The following TSPAN5 variants were observed in gnomAD, a reference collection of about 807,000 sequenced individuals.
TSPAN5 encodes the protein tetraspanin-5.
A neutral mutation model predicts 37.1 loss-of-function variants in TSPAN5; 10 were observed. The ratio of observed to expected loss-of-function variants is 0.27; its 90% CI spans 0.17 to 0.46. TSPAN5 has a LOEUF of 0.46. TSPAN5 is among the 20% of genes least tolerant of loss of function. The pLI is 1.00. For missense variants in TSPAN5, 195 were observed against 326.6 expected (o/e 0.60, Z 3.11); for synonymous variants, 110 against 118.9 (o/e 0.93, Z 0.48).
At chr4:98,490,173 C>T (rs886097508) in intron 2 of TSPAN5, among the ~76,000 whole-genome samples, 8 of 152,176 alleles carry the variant, frequency 5.3e-5, no homozygotes, top group African/African-American at 1.9e-4. Flanking sequence ...CTCCCAAACC[C>T]TTGCCCATGA....
chr4:98,649,781 G>C (rs1320142800), intron 1 of TSPAN5, among the ~76,000 whole-genome samples: 1 of 152,212 alleles, frequency 6.6e-6, no homozygotes, highest in Non-Finnish European at 1.5e-5. Context: ...TGAAGGGAGA[G>C]TTCAAGAGCC....
intron 2 of TSPAN5, among the ~76,000 whole-genome samples, chr4:98,495,531 CAAAAAA>C (rs10555303): frequency 1.8e-4 from 23 of 130,912 alleles, no homozygotes; most frequent in Admixed American, 2.2e-4. Context: ...GCCTCCGTCT[CAAAAAA>C]AAAAAAAAAA....
intron 1 of TSPAN5, among the ~76,000 whole-genome samples, chr4:98,525,691 C>T (rs774265680): frequency 8.5e-5 from 13 of 152,132 alleles, no homozygotes; most frequent in Admixed American, 8.5e-4. Flanking sequence ...ATATAGCTCA[C>T]ATTTATTTCA....
intron 1 of TSPAN5, among the ~76,000 whole-genome samples, chr4:98,556,962 T>G (rs1481648140): frequency 6.6e-6 from 1 of 152,146 alleles, no homozygotes; most frequent in Non-Finnish European, 1.5e-5. Flanking sequence ...TACCAATATT[T>G]TGAAAGAGCC....
chr4:98,530,150 G>A (rs1754048701), intron 1 of TSPAN5, among the ~76,000 whole-genome samples: 1 of 152,214 alleles, frequency 6.6e-6, no homozygotes, highest in Non-Finnish European at 1.5e-5. Context: ...ACCTGACTGG[G>A]TAGGCAGAAG....
intron 2 of TSPAN5, among the ~76,000 whole-genome samples, chr4:98,492,680 A>G (rs1193300677): frequency 6.6e-6 from 1 of 152,238 alleles, no homozygotes; most frequent in African/African-American, 2.4e-5. Context: ...CAGCTGGCTG[A>G]TATTTCAAGT....
intron 1 of TSPAN5, among the ~76,000 whole-genome samples, chr4:98,594,329 G>A (rs1755717059): frequency 1.1e-5 from 1 of 93,410 alleles, no homozygotes; most frequent in Non-Finnish European, 1.9e-5. Context: ...TCAGCTTAAG[G>A]AGATTTTGGG....
At chr4:98,588,254 C>G (rs533411153) in intron 1 of TSPAN5, among the ~76,000 whole-genome samples, 1 of 152,200 alleles carries the variant, frequency 6.6e-6, no homozygotes, top group Admixed American at 6.5e-5. Context: ...ACTGAGAAGC[C>G]TTTTAAATGA....
chr4:98,568,625 A>C lies in TSPAN5; in HGVS notation c.82-60897T>G, dbSNP rs1242728857. 6.6e-5 allele frequency among the ~76,000 whole-genome samples: 10 copies of C among 152,292 alleles called. No individual in the cohort carries two copies. The East Asian group carries it at 1.9e-3, about 29-fold the overall frequency. ...AGAGGACCTCAGAGGCTAGGCAAAG[A>C]AATTTAGACTCCCACCAATAACAGT... On this transcript the variant is annotated intron_variant, in intron 1 of 7. Coordinates refer to ENST00000305798, the MANE Select transcript of TSPAN5 (RefSeq NM_005723.4).
intron 1 of TSPAN5, among the ~76,000 whole-genome samples, chr4:98,607,023 T>C (rs846012): frequency 2.6e-5 from 4 of 151,864 alleles, no homozygotes; most frequent in Non-Finnish European, 5.9e-5. Context: ...GTGAGGCAGT[T>C]GGGGGAAGGG....
intron 3 of TSPAN5, chr4:98,484,664 C>A: frequency 2.3e-6 from 1 of 440,582 alleles, no homozygotes; most frequent in South Asian, 1.6e-5. Flanking sequence ...TAAAGTAAAT[C>A]ACAATTAAGG....
At chr4:98,522,380 C>T (rs1028011187) in intron 1 of TSPAN5, among the ~76,000 whole-genome samples, 1 of 152,188 alleles carries the variant, frequency 6.6e-6, no homozygotes, top group Non-Finnish European at 1.5e-5. Context: ...ATAAACGCTC[C>T]ATCTTAAAAA....
intron 1 of TSPAN5, among the ~76,000 whole-genome samples, chr4:98,648,750 A>G (rs567281370): frequency 6.6e-6 from 1 of 152,348 alleles, no homozygotes; most frequent in Admixed American, 6.5e-5. Context: ...GCTCTCCCAC[A>G]CATCCCCTCC....
intron 1 of TSPAN5, among the ~76,000 whole-genome samples, chr4:98,578,711 G>A (rs1318496883): frequency 6.6e-6 from 1 of 152,126 alleles, no homozygotes; most frequent in African/African-American, 2.4e-5. Context: ...TGAGCCACCT[G>A]TGCCTAGCCT....
chr4:98,551,036 T>A (rs576381473), intron 1 of TSPAN5, among the ~76,000 whole-genome samples: 2 of 152,330 alleles, frequency 1.3e-5, no homozygotes, highest in East Asian at 3.9e-4. Context: ...GCCTTTATTA[T>A]GTTGAAGTAT....
intron 1 of TSPAN5, among the ~76,000 whole-genome samples, chr4:98,543,159 C>T (rs1054116836): frequency 1.4e-5 from 2 of 145,146 alleles, no homozygotes; most frequent in African/African-American, 4.9e-5. Context: ...AAGTATGTGT[C>T]ATTTTACACA....
intron 1 of TSPAN5, among the ~76,000 whole-genome samples, chr4:98,622,923 T>C (rs1247097930): frequency 6.6e-6 from 1 of 152,196 alleles, no homozygotes; most frequent in Non-Finnish European, 1.5e-5. Flanking sequence ...ATTGGTGGAC[T>C]AAGAGGAAGG....
chr4:98,622,096 T>C (rs1756495022), intron 1 of TSPAN5, among the ~76,000 whole-genome samples: 2 of 152,174 alleles, frequency 1.3e-5, no homozygotes, highest in Non-Finnish European at 1.5e-5. Context: ...CTTTCTTTTT[T>C]TGAGACAGAG....
At chr4:98,567,020 T>C (rs1302592404) in intron 1 of TSPAN5, among the ~76,000 whole-genome samples, 1 of 152,214 alleles carries the variant, frequency 6.6e-6, no homozygotes, top group African/African-American at 2.4e-5. Flanking sequence ...GGCTCCCGAG[T>C]AGTGCAGCTA....
Sources: allele counts gnomAD v4.1 joint callset (sites outside exome capture counted in the v4.1 genomes callset), GRCh38; gene constraint gnomAD v4.1.1; transcripts MANE v1.5; gene names NCBI Gene and HGNC (gene_info 2026-07-23, HGNC 2026-07-21).